TNN: variants seen among roughly 807,000 people sequenced by gnomAD.
TNN encodes tenascin N, also known as tenascin-N.
A neutral mutation model predicts 134.4 loss-of-function variants in TNN; 122 were observed. The observed-to-expected ratio is 0.91, with a 90% CI of 0.78 to 1.06. The LOEUF is 1.06. Ranked by LOEUF, TNN falls within the 50% of genes least tolerant of loss-of-function variation. The pLI is 0.00. For missense variants in TNN, 1,739 were observed against 1,699.4 expected, an observed-to-expected ratio of 1.02 and a Z score of -0.41; for synonymous variants, 710 against 670.3, an observed-to-expected ratio of 1.06 and a Z score of -0.91.
intron 6 of TNN, among the ~76,000 whole-genome samples, chr1:175,091,384 A>G (rs549279857): frequency 6.6e-6 from 1 of 152,162 alleles, no homozygotes; most frequent in Admixed American, 6.5e-5. Flanking sequence ...AATATGATTC[A>G]GTTTTACCTT....
intron 9 of TNN, among the ~76,000 whole-genome samples, chr1:175,112,774 T>C (rs542964528): frequency 4.1e-4 from 62 of 151,386 alleles, no homozygotes; most frequent in Admixed American, 9.2e-4. Context: ...TGTGCCACCA[T>C]GTCTGGCTAA....
chr1:175,116,194 T>C (rs889573228), intron 9 of TNN, among the ~76,000 whole-genome samples: 5 of 152,202 alleles, frequency 3.3e-5, no homozygotes, highest in African/African-American at 1.2e-4. Context: ...CTGTAGAATA[T>C]GTACTAATAT....
At chr1:175,079,255 G>A (rs1674129682) in intron 2 of TNN, 78 bp from the exon 3 acceptor site, 1 of 1,380,322 alleles carries the variant, frequency 7.2e-7, no homozygotes, top group Admixed American at 2.5e-5. Context: ...TCTGGGTCTT[G>A]CATGGCTGAT....
At chr1:175,128,189 A>G (rs775365476) in intron 14 of TNN, 25 bp downstream of exon 14, 2 of 1,561,386 alleles carry the variant, frequency 1.3e-6, no homozygotes, top group Admixed American at 3.8e-5. Context: ...TGTACTCTGA[A>G]CGACCGTGCA....
chr1:175,139,905 C>G (rs1042661407), intron 17 of TNN, among the ~76,000 whole-genome samples: 1 of 152,138 alleles, frequency 6.6e-6, no homozygotes, highest in African/African-American at 2.4e-5. Context: ...CCCTTGTTAA[C>G]TGAAATGTTC....
chr1:175,104,236 G>A lies in TNN; in HGVS notation c.2119+5641G>A, dbSNP rs183393724. ...AGGAGATTAACACTGAGAAGGCCGC[G>A]CCAGTATCCAGGAGGAAGTCAATTT... is the stretch of plus-strand genomic sequence containing the variant. On this transcript the variant is annotated intron_variant, in intron 9 of 18. Transcript: ENST00000239462. 8.9e-5 allele frequency among the ~76,000 whole-genome samples: 13 copies of A among 145,622 alleles called. 3 individuals are homozygous for A. The highest frequency in any genetic ancestry group is 6.9e-5 in the Admixed American group (1 of 14,468).
intron 1 of TNN, among the ~76,000 whole-genome samples, chr1:175,068,231 A>T (rs971246254): frequency 1.3e-5 from 2 of 152,010 alleles, no homozygotes; most frequent in African/African-American, 4.8e-5. Context: ...GGCGTAACAC[A>T]TTTTTGTATA....
intron 15 of TNN, among the ~76,000 whole-genome samples, chr1:175,131,517 C>A (rs1160699442): frequency 6.6e-6 from 1 of 152,138 alleles, no homozygotes; most frequent in Non-Finnish European, 1.5e-5. Flanking sequence ...GTTTTCATCT[C>A]ATAGAATGGG....
intron 1 of TNN, among the ~76,000 whole-genome samples, chr1:175,075,391 G>A (rs950999101): frequency 3.9e-5 from 6 of 152,174 alleles, no homozygotes; most frequent in Admixed American, 3.3e-4. Context: ...TCCGCCTCCC[G>A]GGTTCCAGCA....
chr1:175,125,840 TCTTTTTCTTTCTTTCTTTTTTC>T (rs1675514286), intron 12 of TNN, among the ~76,000 whole-genome samples: 1 of 3,196 alleles, frequency 3.1e-4, no homozygotes, highest in South Asian at 2.9e-3. Flanking sequence ...CTTTCTTTTT[TCTTTTTCTTTCTTTCTTTTTTC>T]TTTTTCTTTC....
intron 7 of TNN, among the ~76,000 whole-genome samples, chr1:175,096,927 C>T (rs1018782071): frequency 3.9e-5 from 6 of 152,168 alleles, no homozygotes; most frequent in Non-Finnish European, 8.8e-5. Context: ...CAGATACTAT[C>T]AATTAAAAAG....
intron 6 of TNN, among the ~76,000 whole-genome samples, chr1:175,090,593 G>T (rs1377059492): frequency 6.6e-6 from 1 of 152,196 alleles, no homozygotes; most frequent in Non-Finnish European, 1.5e-5. Context: ...ATGTGCTCAA[G>T]TGTGGACAGG....
intron 15 of TNN, among the ~76,000 whole-genome samples, chr1:175,132,875 A>G (rs527907323): frequency 3.3e-5 from 5 of 152,356 alleles, no homozygotes; most frequent in African/African-American, 9.6e-5. Flanking sequence ...GCATTGCTGC[A>G]GGGTAACCTA....
Position 175,100,661 on chromosome 1 carries a change from C to T in TNN, c.2119+2066C>T, listed in dbSNP as rs76904251. ...GTATGAGCAAGTGACTTTGGGAAAA[C>T]GGCTTTTGCAATGAATTATTTAGGA... On this transcript the variant is annotated intron_variant, in intron 9 of 18. Transcript: ENST00000239462. Among the ~76,000 whole-genome samples, 1,473 of 151,592 alleles carry T rather than the reference C, an allele frequency of 9.7e-3. 10 individuals carry two copies. Among genetic ancestry groups the T allele is most frequent in the Non-Finnish European group, 0.015 (1,038 of 67,962 alleles).
chr1:175,069,069 T>C (rs1453169084), intron 1 of TNN, among the ~76,000 whole-genome samples: 3 of 152,086 alleles, frequency 2.0e-5, no homozygotes, highest in Non-Finnish European at 2.9e-5. Context: ...GCATGAAACC[T>C]GTGTTGCTTA....
At chr1:175,118,846 G>A (rs1160494700) in intron 11 of TNN, 22 bp downstream of exon 11, 6 of 1,612,936 alleles carry the variant, frequency 3.7e-6, no homozygotes, top group East Asian at 2.2e-5. Flanking sequence ...GAAGAGAAGA[G>A]CAAACCCGGG....
chr1:175,099,609 G>GTCAGGAGGAGGAGAGGTGAGGGC (rs1558357080), intron 9 of TNN, among the ~76,000 whole-genome samples: 45 of 41,352 alleles, frequency 1.1e-3, no homozygotes, highest in African/African-American at 4.9e-3. Flanking sequence ...GAGGTGAGGG[G>GTCAGGAGGAGGAGAGGTGAGGGC]TCAGGAGGAG....
intron 9 of TNN, among the ~76,000 whole-genome samples, chr1:175,110,879 A>G (rs765875564): frequency 6.6e-6 from 1 of 152,090 alleles, no homozygotes; most frequent in Non-Finnish European, 1.5e-5. Flanking sequence ...TGAATTTTAG[A>G]ATTTTTTTTT....
intron 6 of TNN, among the ~76,000 whole-genome samples, chr1:175,088,420 A>G (rs1336885898): frequency 6.6e-6 from 1 of 152,172 alleles, no homozygotes; most frequent in Admixed American, 6.5e-5. Flanking sequence ...GTTATAAATC[A>G]TAACATCACA....
Sources: gnomAD v4.1 joint callset for allele counts (sites outside exome capture counted in the v4.1 genomes callset) on GRCh38, gnomAD v4.1.1 for gene constraint, MANE v1.5 for transcripts, NCBI Gene and HGNC (gene_info 2026-07-23, HGNC 2026-07-21) for gene names.